LARP1: variants seen among roughly 807,000 people sequenced by gnomAD.
LARP1 encodes the protein La ribonucleoprotein 1, translational regulator.
A neutral mutation model predicts 122.7 loss-of-function variants in LARP1; 36 were observed. That is an observed-to-expected ratio of 0.29 (90% CI 0.22 to 0.39). LARP1 has a LOEUF of 0.39. Ranked by LOEUF, LARP1 falls within the 10% of genes least tolerant of loss-of-function variation. The pLI, the probability that LARP1 is intolerant of heterozygous loss-of-function variation, is 1.00. For missense variants in LARP1, 1,040 were observed against 1,403.6 expected (o/e 0.74, Z 4.14); for synonymous variants, 539 against 528.7 (o/e 1.02, Z -0.27).
intron 1 of LARP1, among the ~76,000 whole-genome samples, chr5:154,688,208 C>T (rs541894307): frequency 6.6e-6 from 1 of 152,012 alleles, no homozygotes; most frequent in Non-Finnish European, 1.5e-5. Flanking sequence ...CTGGGGGTGG[C>T]GAGGCTCCTG....
intron 1 of LARP1, among the ~76,000 whole-genome samples, chr5:154,782,715 AG>A (rs1490545917): frequency 2.0e-5 from 3 of 152,162 alleles, no homozygotes; most frequent in African/African-American, 7.2e-5. Flanking sequence ...CCTCTCCCTA[AG>A]AATGCCCTTC....
At chr5:154,785,966 T>C (rs1756845953) in intron 1 of LARP1, among the ~76,000 whole-genome samples, 1 of 152,236 alleles carries the variant, frequency 6.6e-6, no homozygotes, top group Non-Finnish European at 1.5e-5. Context: ...GCCATGCAGA[T>C]AGTTGCCAGA....
chr5:154,804,382 CAAG>C, intron 14 of LARP1, 75 bp downstream of exon 14: 2 of 1,083,324 alleles, frequency 1.8e-6, no homozygotes. Flanking sequence ...TTGACTGGAC[CAAG>C]AAGATTGGTC....
chr5:154,683,115 G>A (rs1234453507), intron 1 of LARP1, among the ~76,000 whole-genome samples: 4 of 152,202 alleles, frequency 2.6e-5, no homozygotes, highest in Admixed American at 6.5e-5. Flanking sequence ...GGCCTGGGGA[G>A]GGGGCACCGA....
intron 14 of LARP1, among the ~76,000 whole-genome samples, chr5:154,805,573 A>C (rs980305359): frequency 1.3e-5 from 2 of 152,224 alleles, no homozygotes; most frequent in African/African-American, 2.4e-5. Flanking sequence ...TTAAATGCTT[A>C]AAGTTAATAA....
intron 16 of LARP1, among the ~76,000 whole-genome samples, chr5:154,810,709 A>G (rs1759197038): frequency 1.3e-5 from 2 of 151,730 alleles, no homozygotes; most frequent in Non-Finnish European, 2.9e-5. Context: ...CTGGTCTTGA[A>G]CTCCGGACCT....
chr5:154,704,519 C>T (rs186748813), intron 1 of LARP1, among the ~76,000 whole-genome samples: 34 of 151,944 alleles, frequency 2.2e-4, no homozygotes, highest in South Asian at 1.7e-3. Context: ...TGGTGGCTCA[C>T]GCCTGTAATC....
rs907947525 is a variant in LARP1 at position 154,690,224 on chromosome 5, G to A, written c.-180+7187G>A. On this transcript the variant is annotated intron_variant, in intron 1 of 18. Transcript: ENST00000687700. Reference sequence around the variant, plus strand: ...ATTGCAGTTAGACAATGCCAGCTGTGGTTTAAGTTCTGAGAATCAAGATGG... The same window carrying A: ...ATTGCAGTTAGACAATGCCAGCTGTAGTTTAAGTTCTGAGAATCAAGATGG... 5.9e-5 allele frequency among the ~76,000 whole-genome samples: 9 copies of A among 152,056 alleles called. 1 individual carries two copies. The highest frequency in any genetic ancestry group is 5.9e-4 in the Admixed American group (9 of 15,258).
At chr5:154,746,916 C>G (rs1484779545) in intron 1 of LARP1, among the ~76,000 whole-genome samples, 2 of 152,174 alleles carry the variant, frequency 1.3e-5, no homozygotes, top group Admixed American at 1.3e-4. Context: ...GGGCAGACCA[C>G]TTGAGGTCAG....
In LARP1 at chr5:154,689,908, C is replaced by G. The variant is rs904619523; in HGVS notation, c.-180+6871C>G. Reference sequence around the variant, plus strand: ...CCTGGCCATCATGGTGAAATGCTGTCTCCACTAAAAATACAAAAAAATTAG... The same window carrying G: ...CCTGGCCATCATGGTGAAATGCTGTGTCCACTAAAAATACAAAAAAATTAG... On this transcript the variant is annotated intron_variant, in intron 1 of 18. Transcript: ENST00000687700. Among the ~76,000 whole-genome samples the G allele has an allele frequency of 2.6e-5, 4 of 152,084 alleles. No individual in the cohort carries two copies. In the East Asian group the frequency reaches 7.7e-4, roughly 29 times the overall value.
intron 1 of LARP1, among the ~76,000 whole-genome samples, chr5:154,691,180 T>C (rs574903644): frequency 2.7e-5 from 4 of 147,618 alleles, no homozygotes; most frequent in African/African-American, 7.6e-5. Flanking sequence ...GAGAATGGCG[T>C]GAACCCGGGA....
Position 154,755,751 on chromosome 5 carries a change from C to T in LARP1, c.-7C>T. ...CGCCCGGCTTCTCCGGGGGGGCGGGCGCGCAGATGGCCACTCAGGTGGAGC... is the reference window on the plus strand; with the variant it reads ...CGCCCGGCTTCTCCGGGGGGGCGGGTGCGCAGATGGCCACTCAGGTGGAGC... On this transcript the variant is annotated 5_prime_UTR_variant, in exon 1 of 19. Coordinates refer to ENST00000518297, the MANE Select transcript of LARP1 (RefSeq NM_033551.3). 1 of 987,138 alleles carries T rather than the reference C, an allele frequency of 1.0e-6. No homozygotes were observed. Among genetic ancestry groups the T allele is most frequent in the Non-Finnish European group, 1.2e-6 (1 of 830,432 alleles). 61.1% of individuals were successfully genotyped at this position (987,138 alleles called of 1,614,324 possible).
rs1759503707 is a variant in LARP1 at position 154,814,081 on chromosome 5, G to C, written c.3276G>C (p.Gln1092His). The change falls in exon 19 of 19, where the codon CAG (glutamine) becomes CAC (histidine). Residue 1092 changes from glutamine to histidine, a missense_variant. Around this residue, in one of 8 missense-constraint regions of LARP1, gnomAD observed 129 missense variants for 160.8 expected, o/e 0.80. Transcript: ENST00000518297. ...AKWTSQHSNT[Q>H]TLGK ...GGACAAGCCAGCACTCGAACACACAGACTTTGGGAAAGTGAAAAGCTCCTT... is the reference window on the plus strand; with the variant it reads ...GGACAAGCCAGCACTCGAACACACACACTTTGGGAAAGTGAAAAGCTCCTT... 6.2e-7 allele frequency: 1 copy of C among 1,614,076 alleles called. No individual in the cohort carries two copies. The highest frequency in any genetic ancestry group is 2.2e-5 in the East Asian group (1 of 44,866).
At chr5:154,715,570 C>G (rs189151480) in intron 1 of LARP1, among the ~76,000 whole-genome samples, 1 of 152,114 alleles carries the variant, frequency 6.6e-6, no homozygotes, top group African/African-American at 2.4e-5. Flanking sequence ...AACACTGAAA[C>G]GTTGCTGCTG....
chr5:154,810,363 G>A (rs1022214015), intron 16 of LARP1, among the ~76,000 whole-genome samples: 6 of 151,654 alleles, frequency 4.0e-5, no homozygotes, highest in Non-Finnish European at 7.4e-5. Context: ...TTGAACCCAG[G>A]AGGCAGAGGT....
intron 18 of LARP1, among the ~76,000 whole-genome samples, 184 bp downstream of exon 18, chr5:154,811,824 G>A (rs760694386): frequency 2.6e-5 from 4 of 152,082 alleles, no homozygotes; most frequent in Non-Finnish European, 5.9e-5. Context: ...AGGCTAGTTG[G>A]AGATAGTTGT....
At chr5:154,766,017 C>T (rs116271043) in intron 1 of LARP1, among the ~76,000 whole-genome samples, 32 of 151,638 alleles carry the variant, frequency 2.1e-4, no homozygotes, top group African/African-American at 7.5e-4. Context: ...GCACCCAATT[C>T]AGTATAGGTC....
rs1038903174 is a variant in LARP1 at position 154,802,416 on chromosome 5, G to A, written c.2109+17G>A. 3.2e-6 allele frequency: 5 copies of A among 1,572,884 alleles called. No homozygotes were observed. The highest frequency in any genetic ancestry group is 4.3e-6 in the Non-Finnish European group (5 of 1,158,926). Reference sequence around the variant, plus strand: ...CAGATCAAGGTGAGGCTTGGACATAGCAGTGAGTGTGGAGCCTGGTGTGCC... The same window carrying A: ...CAGATCAAGGTGAGGCTTGGACATAACAGTGAGTGTGGAGCCTGGTGTGCC... On this transcript the variant is annotated intron_variant, in intron 11 of 18. Coordinates refer to ENST00000518297, the MANE Select transcript of LARP1 (RefSeq NM_033551.3). This position sits in a 1 kb window ranked among gnomAD's most constrained non-coding sequence, Gnocchi z 5.1.
chr5:154,808,777 A>G (rs1023585871), intron 16 of LARP1, among the ~76,000 whole-genome samples, 174 bp downstream of exon 16: 6 of 152,246 alleles, frequency 3.9e-5, no homozygotes, highest in Admixed American at 3.9e-4. Flanking sequence ...TCAAATTTCA[A>G]ACATTTTAAA....
Sources: gnomAD v4.1 joint callset for allele counts (sites outside exome capture counted in the v4.1 genomes callset) on GRCh38, gnomAD v4.1.1 for gene constraint, gnomAD v4.1.1 regional missense constraint, Gnocchi (gnomAD v3.1) non-coding constraint, MANE v1.5 for transcripts, NCBI Gene and HGNC (gene_info 2026-07-23, HGNC 2026-07-21) for gene names.